BMPR2: variants seen among roughly 807,000 people sequenced by gnomAD.
The protein encoded by BMPR2 is bone morphogenetic protein receptor type-2.
A neutral mutation model predicts 100.8 loss-of-function variants in BMPR2; 29 were observed. The ratio of observed to expected loss-of-function variants is 0.29; its 90% CI spans 0.21 to 0.39. BMPR2 has a LOEUF of 0.39. Among genes scored for constraint, BMPR2 ranks in the 10% least tolerant of loss-of-function variants. The pLI is 1.00. For synonymous variants in BMPR2, 382 were observed against 442.3 expected (o/e 0.86, Z 1.71); for missense variants, 1,011 against 1,274.5 (o/e 0.79, Z 3.15).
chr2:202,455,046 C>T (rs1213816808), intron 1 of BMPR2, among the ~76,000 whole-genome samples: 2 of 152,166 alleles, frequency 1.3e-5, no homozygotes, highest in African/African-American at 4.8e-5. Context: ...TATCTCATGA[C>T]GTCCTTGAAA....
intron 1 of BMPR2, among the ~76,000 whole-genome samples, chr2:202,401,834 G>A (rs2105910760): frequency 6.6e-6 from 1 of 152,298 alleles, no homozygotes; most frequent in African/African-American, 2.4e-5. Flanking sequence ...AATTTTTGTT[G>A]TTGAATGATT....
chr2:202,394,364 G>GTAATAATAA (rs71031896), intron 1 of BMPR2, among the ~76,000 whole-genome samples: 4 of 149,612 alleles, frequency 2.7e-5, no homozygotes, highest in African/African-American at 9.8e-5. Context: ...AAAAAAAAAA[G>GTAATAATAA]TAATAATAAT....
chr2:202,477,427 G>C (rs949730978), intron 3 of BMPR2, among the ~76,000 whole-genome samples: 3 of 151,524 alleles, frequency 2.0e-5, no homozygotes, highest in Non-Finnish European at 4.4e-5. Flanking sequence ...GATATTTGTT[G>C]TTTCCTATGT....
chr2:202,518,826 T>C lies in BMPR2; in HGVS notation c.626T>C (p.Ile209Thr). Residue 209 changes from isoleucine (I) to threonine (T), a missense_variant, in exon 6 of 13, where the codon ATT (isoleucine) becomes ACT (threonine). Physicochemically the swap from Ile to Thr is moderately conservative, Grantham distance 89 (BLOSUM62 -1). Around this residue, in one of 6 missense-constraint regions of BMPR2, gnomAD observed 355 missense variants for 455.3 expected, o/e 0.78. Transcript: ENST00000374580. Reference sequence around the variant, plus strand: ...CTTTCTTTAAAACACTTGCAGCTGATTGGCCGAGGTCGATATGGAGCAGTA... The same window carrying C: ...CTTTCTTTAAAACACTTGCAGCTGACTGGCCGAGGTCGATATGGAGCAGTA... ...DLDNLKLLELIGRGRYGAVYK... is the reference protein window; with the variant it reads ...DLDNLKLLELTGRGRYGAVYK... The C allele has an allele frequency of 6.2e-7, 1 of 1,614,092 alleles. No homozygotes were observed. The highest frequency in any genetic ancestry group is 8.5e-7 in the Non-Finnish European group (1 of 1,179,912).
chr2:202,492,194 T>TTAGGAACAGG (rs1157568402), intron 3 of BMPR2, among the ~76,000 whole-genome samples: 12 of 152,072 alleles, frequency 7.9e-5, no homozygotes, highest in Non-Finnish European at 5.9e-5. Flanking sequence ...AGGAAGGATG[T>TTAGGAACAGG]TAGGAACAGG....
rs1316052911 is a variant in BMPR2 at position 202,562,177 on chromosome 2, C to T, written c.*2231C>T. The T allele has an allele frequency of 6.6e-6, 1 of 152,256 alleles. No homozygotes were observed. Among genetic ancestry groups the T allele is most frequent in the South Asian group, 2.1e-4 (1 of 4,824 alleles). 9.4% of individuals were successfully genotyped at this position (152,256 alleles called of 1,614,324 possible). On this transcript the variant is annotated 3_prime_UTR_variant, in exon 13 of 13. Transcript: ENST00000374580. ...AATTTGAAGCATTGAGGATAAATGACCATTTGAGGTCTAACTGATCTTTTC... is the reference window on the plus strand; with the variant it reads ...AATTTGAAGCATTGAGGATAAATGATCATTTGAGGTCTAACTGATCTTTTC...
chr2:202,484,434 G>A (rs1036218521), intron 3 of BMPR2, among the ~76,000 whole-genome samples: 22 of 151,580 alleles, frequency 1.5e-4, no homozygotes, highest in African/African-American at 5.1e-4. Context: ...CAGCACTTTG[G>A]GAGGCCGAGG....
chr2:202,414,779 G>T (rs1271701230), intron 1 of BMPR2, among the ~76,000 whole-genome samples: 1 of 151,956 alleles, frequency 6.6e-6, no homozygotes, highest in African/African-American at 2.4e-5. Context: ...TCCCTCTGTC[G>T]CCCAGGCTGG....
chr2:202,525,129 A>G (rs1461006899), intron 7 of BMPR2, among the ~76,000 whole-genome samples: 3 of 152,122 alleles, frequency 2.0e-5, no homozygotes, highest in Non-Finnish European at 4.4e-5. Context: ...GTGAACTACA[A>G]TGCATCATTA....
At chr2:202,450,025 G>T (rs1691944737) in intron 1 of BMPR2, among the ~76,000 whole-genome samples, 1 of 152,162 alleles carries the variant, frequency 6.6e-6, no homozygotes, top group East Asian at 1.9e-4. Context: ...CAGGGGAATT[G>T]CTTGACCTAG....
chr2:202,518,379 C>T (rs1403427448), intron 5 of BMPR2, among the ~76,000 whole-genome samples: 6 of 152,054 alleles, frequency 3.9e-5, no homozygotes, highest in South Asian at 2.1e-4. Context: ...CTCAAGTGAT[C>T]TGCCCACCTC....
intron 1 of BMPR2, among the ~76,000 whole-genome samples, chr2:202,443,511 CTCTT>C (rs1434575401): frequency 6.7e-6 from 1 of 150,128 alleles, no homozygotes; most frequent in Non-Finnish European, 1.5e-5. Context: ...TTCTCTCTCT[CTCTT>C]TCTTTCCTTT....
At chr2:202,435,752 C>G (rs567077730) in intron 1 of BMPR2, among the ~76,000 whole-genome samples, 27 of 150,280 alleles carry the variant, frequency 1.8e-4, no homozygotes, top group Non-Finnish European at 3.4e-4. Context: ...TTTTGCTCTA[C>G]TTTTTCTGTG....
At chr2:202,412,134 CAT>C (rs1319019320) in intron 1 of BMPR2, among the ~76,000 whole-genome samples, 1 of 152,082 alleles carries the variant, frequency 6.6e-6, no homozygotes, top group African/African-American at 2.4e-5. Context: ...AAGTTTAAAA[CAT>C]TTTCCAACTA....
chr2:202,465,442 A>G (rs1427501551), intron 2 of BMPR2, among the ~76,000 whole-genome samples: 2 of 152,126 alleles, frequency 1.3e-5, no homozygotes, highest in Non-Finnish European at 2.9e-5. Context: ...ATAAAAGGCT[A>G]TTTATTTTTA....
At chr2:202,534,405 G>GGCCTTCC in intron 9 of BMPR2, among the ~76,000 whole-genome samples, 1 of 151,778 alleles carries the variant, frequency 6.6e-6, no homozygotes, top group South Asian at 2.1e-4. Context: ...AGGACCCTGC[G>GGCCTTCC]GCCTTCCGCA....
At chr2:202,550,374 CAAAAAAAAA>C (rs71035016) in intron 10 of BMPR2, among the ~76,000 whole-genome samples, 1 of 94,278 alleles carries the variant, frequency 1.1e-5, no homozygotes, top group African/African-American at 3.9e-5. Context: ...CTCCTATCTC[CAAAAAAAAA>C]AAAAAAAAAA....
intron 1 of BMPR2, among the ~76,000 whole-genome samples, chr2:202,441,762 G>A (rs1230939714): frequency 2.7e-5 from 4 of 148,242 alleles, no homozygotes; most frequent in Non-Finnish European, 5.9e-5. Context: ...GGCCAGGCGT[G>A]GTGGCTCACG....
intron 3 of BMPR2, among the ~76,000 whole-genome samples, chr2:202,473,946 A>G (rs1419250153): frequency 6.7e-6 from 1 of 150,246 alleles, no homozygotes; most frequent in Non-Finnish European, 1.5e-5. Flanking sequence ...CTCTACTAAA[A>G]ATACAAAAAT....
Sources: allele counts gnomAD v4.1 joint callset (sites outside exome capture counted in the v4.1 genomes callset), GRCh38; gene constraint gnomAD v4.1.1; regional missense constraint gnomAD v4.1.1; transcripts MANE v1.5; gene names NCBI Gene and HGNC (gene_info 2026-07-23, HGNC 2026-07-21).